Variants in ADSS1 observed in about 807,000 individuals in gnomAD.
The protein encoded by ADSS1 is adenylosuccinate synthase 1.
In ADSS1, 57 loss-of-function variants were observed where a neutral mutation model predicts 59.1. The ratio of observed to expected loss-of-function variants is 0.97; its 90% CI spans 0.78 to 1.20. The LOEUF is 1.20. ADSS1 is among the 50% of genes most tolerant of loss of function. The probability of loss-of-function intolerance (pLI) is 0.00; values close to 1 mark genes in which losing one functional copy is unlikely to be tolerated. For missense variants in ADSS1, 603 were observed against 610.3 expected (o/e 0.99, Z 0.13); for synonymous variants, 247 against 249.4 (o/e 0.99, Z 0.09).
Position 104,740,702 on chromosome 14 carries a change from C to T in ADSS1, c.578C>T (p.Ser193Phe), listed in dbSNP as rs144784529. 1.0e-3 allele frequency: 1,680 copies of T among 1,613,832 alleles called. 1 individual carries two copies. Among genetic ancestry groups the T allele is most frequent in the Non-Finnish European group, 1.3e-3 (1,590 of 1,179,998 alleles). The change falls in exon 6 of 13, where the codon TCC becomes TTC. Residue 193 changes from serine to phenylalanine, a missense_variant. By Grantham distance (155) the Ser-to-Phe change is radical (BLOSUM62 -2). Coordinates refer to ENST00000330877, the MANE Select transcript of ADSS1 (RefSeq NM_152328.5). The surrounding 1 kb of genome is among the most constrained non-coding windows in gnomAD (Gnocchi z 4.8). ...CTCCTGTCAGATTTTGATGAGTTTT[C>T]CTCCAGGTACCTGAGCCGTCTGCAG... Reference protein sequence around the residue: ...CDLLSDFDEFSSRFKNLAHQH... With the variant: ...CDLLSDFDEFFSRFKNLAHQH...
chr14:104,745,791 G>C (rs112435300), intron 11 of ADSS1: 1 of 154,850 alleles, frequency 6.5e-6, no homozygotes, highest in African/African-American at 2.4e-5. Flanking sequence ...CATCTGTAAG[G>C]GTGGTTGTCT....
chr14:104,736,881 G>GATTATATATATATATAT lies in ADSS1; in HGVS notation c.296-1493_296-1492insTATATATATATATATAT, dbSNP rs1254196679. 1.4e-3 allele frequency among the ~76,000 whole-genome samples: 149 copies of GATTATATATATATATAT among 106,574 alleles called. 6 individuals are homozygous for GATTATATATATATATAT. Among genetic ancestry groups the GATTATATATATATATAT allele is most frequent in the African/African-American group, 5.0e-3 (141 of 28,124 alleles). 69.9% of individuals were successfully genotyped at this position (106,574 alleles called of 152,430 possible). A position where few individuals can be genotyped will look rare whatever the true frequency, so the allele number is the denominator to read the frequency against. ...CAGGCTTATGCCACCGCACCTAGCT[G>GATTATATATATATATAT]ATATATATATATATATATATATATA... On this transcript the variant is annotated intron_variant, in intron 2 of 12. Transcript: ENST00000330877.
intron 1 of ADSS1, among the ~76,000 whole-genome samples, chr14:104,726,861 C>T (rs943205184): frequency 6.6e-6 from 1 of 152,198 alleles, no homozygotes; most frequent in African/African-American, 2.4e-5. Context: ...GCCCTGGCAA[C>T]AAGCCTGTTC....
intron 1 of ADSS1, among the ~76,000 whole-genome samples, chr14:104,730,966 G>GGC (rs1890908784): frequency 8.7e-6 from 1 of 115,030 alleles, no homozygotes; most frequent in Non-Finnish European, 2.0e-5. Flanking sequence ...AGTGGGGGGG[G>GGC]GGGGGGGGCT....
At chr14:104,739,966 C>G in intron 5 of ADSS1, 150 bp downstream of exon 5, 1 of 852,580 alleles carries the variant, frequency 1.2e-6, no homozygotes, top group Non-Finnish European at 1.8e-6. Flanking sequence ...AATTCCACAG[C>G]GCATCACCCA....
intron 1 of ADSS1, among the ~76,000 whole-genome samples, chr14:104,725,722 CA>C (rs1446225283): frequency 6.6e-6 from 1 of 152,210 alleles, no homozygotes; most frequent in African/African-American, 2.4e-5. Context: ...CCTGGGCCGC[CA>C]GGGGGCATGT....
rs1299061128 is a variant in ADSS1, at chr14:104,740,889, T to C, written c.635T>C (p.Ile212Thr). The change falls in exon 7 of 13, where the codon ATA (isoleucine) becomes ACA (threonine). Residue 212 changes from isoleucine to threonine, a missense_variant. Ile to Thr is a moderately conservative substitution (Grantham distance 89). Transcript: ENST00000330877. The surrounding 1 kb of genome is among the most constrained non-coding windows in gnomAD (Gnocchi z 4.8). ...CAGTCGATGTTCCCCACCCTGGAAA[T>C]AGACATTGAAGGCCAACTCAAAAGG... ...QHQSMFPTLEIDIEGQLKRLK... is the reference protein window; with the variant it reads ...QHQSMFPTLETDIEGQLKRLK... 5 of 1,613,826 alleles carry C rather than the reference T, an allele frequency of 3.1e-6. No homozygotes were observed. The highest frequency in any genetic ancestry group is 1.7e-5 in the Admixed American group (1 of 60,022).
At chr14:104,743,314 AT>A in intron 10 of ADSS1, 123 bp downstream of exon 10, 8 of 1,419,260 alleles carry the variant, frequency 5.6e-6, no homozygotes, top group Non-Finnish European at 7.7e-6. Flanking sequence ...GTTTCCACTG[AT>A]CTCGACCCTT....
At chr14:104,730,203 G>C in intron 1 of ADSS1, 1 of 1,517,348 alleles carries the variant, frequency 6.6e-7, no homozygotes, top group Non-Finnish European at 8.9e-7. Context: ...TTAACACCTG[G>C]AGGGGAGCGG....
chr14:104,740,286 G>A lies in ADSS1; in HGVS notation c.477-315G>A, dbSNP rs947131674. Reference sequence around the variant, plus strand: ...TCATGCTCTTACATACACACCACACGCCCACGCATGCTCGCACAGTTATGC... The same window carrying A: ...TCATGCTCTTACATACACACCACACACCCACGCATGCTCGCACAGTTATGC... On this transcript the variant is annotated intron_variant, in intron 5 of 12. Transcript: ENST00000330877. The surrounding 1 kb of genome is among the most constrained non-coding windows in gnomAD (Gnocchi z 4.8). 4.6e-5 allele frequency among the ~76,000 whole-genome samples: 7 copies of A among 151,640 alleles called. No individual in the cohort carries two copies. Among genetic ancestry groups the A allele is most frequent in the East Asian group, 1.9e-4 (1 of 5,162 alleles).
intron 10 of ADSS1, among the ~76,000 whole-genome samples, chr14:104,743,845 C>T (rs1327414495): frequency 1.3e-5 from 2 of 152,228 alleles, no homozygotes; most frequent in Non-Finnish European, 2.9e-5. Context: ...GTCTGGGATC[C>T]GTGACCCTCA....
chr14:104,725,418 C>A (rs891942946), intron 1 of ADSS1, among the ~76,000 whole-genome samples: 1 of 152,176 alleles, frequency 6.6e-6, no homozygotes, highest in Non-Finnish European at 1.5e-5. Context: ...GCCCCCGCAC[C>A]GTCCCTTCTC....
At chr14:104,741,760 C>T (rs1566801369) in intron 8 of ADSS1, 88 bp from the exon 9 acceptor site, 3 of 1,543,982 alleles carry the variant, frequency 1.9e-6, no homozygotes, top group Non-Finnish European at 1.8e-6. Flanking sequence ...GAACTGCCCA[C>T]TGCCCTTTAC....
chr14:104,744,971 G>A, intron 11 of ADSS1, 62 bp downstream of exon 11: 2 of 1,468,224 alleles, frequency 1.4e-6, no homozygotes, highest in Non-Finnish European at 1.9e-6. Context: ...GAATAGATAG[G>A]ACCTGTGACT....
At chr14:104,728,614 G>GC (rs779533520) in intron 1 of ADSS1, among the ~76,000 whole-genome samples, 21 of 152,212 alleles carry the variant, frequency 1.4e-4, no homozygotes, top group Non-Finnish European at 2.5e-4. Flanking sequence ...GGGCGCCAGG[G>GC]CCCCTTGCTC....
intron 1 of ADSS1, 135 bp downstream of exon 1, chr14:104,724,597 C>CT: frequency 8.7e-7 from 1 of 1,152,698 alleles, no homozygotes; most frequent in Non-Finnish European, 1.1e-6. Context: ...AGCACCTTTC[C>CT]CAGGGCCACC....
chr14:104,738,574 A>C, intron 3 of ADSS1, 136 bp downstream of exon 3: 3 of 963,040 alleles, frequency 3.1e-6, no homozygotes, highest in Non-Finnish European at 4.7e-6. Context: ...GGCCCAGCTC[A>C]TCACCCGCCG....
In ADSS1 at chr14:104,747,036, C is replaced by A; in HGVS notation, c.*33C>A. 1 of 1,599,982 alleles carries A rather than the reference C, an allele frequency of 6.3e-7. No homozygotes were observed. The highest frequency in any genetic ancestry group is 8.6e-7 in the Non-Finnish European group (1 of 1,168,522). On this transcript the variant is annotated 3_prime_UTR_variant, in exon 13 of 13. Transcript: ENST00000330877. ...CTGAGCTGATCCCAACAGGCCCTGG[C>A]AGCGTCTGGACTTGTGTAAACAGCA...
At chr14:104,730,242 C>G in intron 1 of ADSS1, 1 of 1,460,830 alleles carries the variant, frequency 6.8e-7, no homozygotes. Context: ...ATCTGTAACT[C>G]CAGCACTTTG....
Sources: allele counts gnomAD v4.1 joint callset (sites outside exome capture counted in the v4.1 genomes callset), GRCh38; gene constraint gnomAD v4.1.1; non-coding constraint Gnocchi (gnomAD v3.1); transcripts MANE v1.5; gene names NCBI Gene and HGNC (gene_info 2026-07-23, HGNC 2026-07-21).